The following RICTOR variants were observed in gnomAD, a reference collection of about 807,000 sequenced individuals.
RICTOR encodes rapamycin-insensitive companion of mTOR.
A neutral mutation model predicts 214.9 loss-of-function variants in RICTOR; 49 were observed. That is an observed-to-expected ratio of 0.23 (90% CI 0.18 to 0.29). RICTOR has a LOEUF of 0.29. Among genes scored for constraint, RICTOR ranks in the 10% least tolerant of loss-of-function variants. The pLI, the probability that RICTOR is intolerant of heterozygous loss-of-function variation, is 1.00. For missense variants in RICTOR, 1,625 were observed against 2,047.0 expected (o/e 0.79, Z 3.98); for synonymous variants, 717 against 711.3 (o/e 1.01, Z -0.13).
chr5:39,065,245 G>A (rs1005858843), intron 2 of RICTOR, among the ~76,000 whole-genome samples: 6 of 152,194 alleles, frequency 3.9e-5, no homozygotes, highest in East Asian at 1.9e-4. Flanking sequence ...ATGGCAGAGC[G>A]GGAGCAAGAG....
At chr5:38,999,026 G>GC (rs1753395101) in intron 5 of RICTOR, among the ~76,000 whole-genome samples, 3 of 12,890 alleles carry the variant, frequency 2.3e-4, no homozygotes, top group Admixed American at 2.0e-3. Flanking sequence ...AAACAAACAG[G>GC]CAAAAAAAAA....
intron 2 of RICTOR, among the ~76,000 whole-genome samples, chr5:39,070,341 C>T (rs1399565485): frequency 1.3e-5 from 2 of 151,892 alleles, no homozygotes; most frequent in Non-Finnish European, 1.5e-5. Flanking sequence ...CGGTGGCGGG[C>T]GCCTGTAGTC....
intron 2 of RICTOR, among the ~76,000 whole-genome samples, chr5:39,044,295 A>T (rs899215533): frequency 3.3e-5 from 5 of 152,146 alleles, no homozygotes; most frequent in East Asian, 3.8e-4. Context: ...ACGAAAAAAA[A>T]TTTTGTTATT....
chr5:38,999,871 T>C (rs1753483618), intron 5 of RICTOR, among the ~76,000 whole-genome samples: 1 of 151,852 alleles, frequency 6.6e-6, no homozygotes, highest in Admixed American at 6.6e-5. Context: ...AACTATATGA[T>C]ATTTACAGGG....
intron 2 of RICTOR, among the ~76,000 whole-genome samples, chr5:39,046,467 A>C (rs577938527): frequency 6.3e-5 from 9 of 143,550 alleles, no homozygotes; most frequent in African/African-American, 2.3e-4. Flanking sequence ...CAAATCTGAG[A>C]TGCAACTGAA....
intron 6 of RICTOR, among the ~76,000 whole-genome samples, chr5:38,995,260 A>C (rs183062660): frequency 6.6e-6 from 1 of 152,322 alleles, no homozygotes; most frequent in African/African-American, 2.4e-5. Flanking sequence ...ATGTCTTTTG[A>C]AGCAACTTGG....
At chr5:39,004,453 T>C (rs1368590614) in intron 3 of RICTOR, among the ~76,000 whole-genome samples, 1 of 145,788 alleles carries the variant, frequency 6.9e-6, no homozygotes, top group Non-Finnish European at 1.5e-5. Context: ...ATGTCATTTA[T>C]TTCTCAAACT....
intron 2 of RICTOR, among the ~76,000 whole-genome samples, chr5:39,030,653 G>A (rs1405108423): frequency 6.6e-6 from 1 of 152,110 alleles, no homozygotes; most frequent in African/African-American, 2.4e-5. Flanking sequence ...AGCTTTATGA[G>A]GACAAGGACA....
At chr5:39,038,066 C>A (rs1467488324) in intron 2 of RICTOR, among the ~76,000 whole-genome samples, 1 of 152,142 alleles carries the variant, frequency 6.6e-6, no homozygotes, top group Non-Finnish European at 1.5e-5. Context: ...TGCAAAAATT[C>A]TCAATAAAAT....
At chr5:39,070,431 T>G (rs935243333) in intron 2 of RICTOR, among the ~76,000 whole-genome samples, 2 of 151,952 alleles carry the variant, frequency 1.3e-5, no homozygotes, top group Non-Finnish European at 2.9e-5. Context: ...ATTGCGCCAC[T>G]GCAGTCCGCA....
intron 24 of RICTOR, 97 bp downstream of exon 24, chr5:38,958,346 T>C (rs1031559166): frequency 2.6e-6 from 2 of 783,188 alleles, no homozygotes; most frequent in African/African-American, 1.7e-5. Context: ...AGGTAAACTC[T>C]TCAGCGTACT....
intron 2 of RICTOR, among the ~76,000 whole-genome samples, chr5:39,022,973 A>G (rs1011824364): frequency 6.6e-6 from 1 of 152,218 alleles, no homozygotes; most frequent in African/African-American, 2.4e-5. Context: ...ATAAACCAAT[A>G]AAATGCTCAA....
At position 38,945,059 on chromosome 5, in the gene RICTOR, T is replaced by G; in HGVS notation, c.4643A>C (p.Asp1548Ala). The G allele has an allele frequency of 6.3e-7, 1 of 1,595,806 alleles. No individual in the cohort carries two copies. The highest frequency in any genetic ancestry group is 8.6e-7 in the Non-Finnish European group (1 of 1,169,476). Residue 1548 changes from aspartate to alanine, a missense_variant, in exon 35 of 38, where the codon GAT becomes GCT. Transcript: ENST00000357387. ...CTCACACCAATCAGAATATGGAATA[T>G]CTTGAAAGTCTGAAGAAAAAAATAA... Reference protein sequence around the residue: ...SAICSHSDFQDIPYSDWCEQT... With the variant: ...SAICSHSDFQAIPYSDWCEQT...
chr5:39,063,020 C>T (rs1758661054), intron 2 of RICTOR, among the ~76,000 whole-genome samples: 1 of 152,008 alleles, frequency 6.6e-6, no homozygotes, highest in South Asian at 2.1e-4. Context: ...AAAAACACCA[C>T]CCATCCCATT....
At chr5:38,945,441 G>T (rs1218027047) in intron 34 of RICTOR, 50 bp downstream of exon 34, 14 of 1,255,482 alleles carry the variant, frequency 1.1e-5, no homozygotes, top group Non-Finnish European at 1.5e-5. Context: ...GTAAACCAGA[G>T]AACTTTAGTC....
At chr5:38,993,954 G>A (rs1194061297) in intron 6 of RICTOR, among the ~76,000 whole-genome samples, 4 of 152,108 alleles carry the variant, frequency 2.6e-5, no homozygotes, top group African/African-American at 9.7e-5. Context: ...AGGCCAAGGC[G>A]GGCAGATCAC....
At chr5:39,034,602 G>A (rs894025815) in intron 2 of RICTOR, among the ~76,000 whole-genome samples, 9 of 152,204 alleles carry the variant, frequency 5.9e-5, no homozygotes, top group African/African-American at 1.9e-4. Context: ...CTGGAAAATC[G>A]GGTCACTCAC....
chr5:38,954,666 T>C, intron 27 of RICTOR, 108 bp downstream of exon 27: 1 of 672,386 alleles, frequency 1.5e-6, no homozygotes, highest in Non-Finnish European at 2.7e-6. Flanking sequence ...ACACCACTGA[T>C]ATTAAAGCTT....
At chr5:39,034,995 C>G (rs1756563070) in intron 2 of RICTOR, among the ~76,000 whole-genome samples, 1 of 152,236 alleles carries the variant, frequency 6.6e-6, no homozygotes, top group Non-Finnish European at 1.5e-5. Context: ...AGCTGGAGAT[C>G]TGAGAACGGG....
Sources: gnomAD v4.1 joint callset for allele counts (sites outside exome capture counted in the v4.1 genomes callset) on GRCh38, gnomAD v4.1.1 for gene constraint, MANE v1.5 for transcripts, NCBI Gene and HGNC (gene_info 2026-07-23, HGNC 2026-07-21) for gene names.